CHD6: variants seen among roughly 807,000 people sequenced by gnomAD.
The protein encoded by CHD6 is ATP-dependent chromatin remodeler CHD6.
Under a neutral mutation model 276.9 loss-of-function variants are expected in CHD6, and 50 were observed. The observed-to-expected ratio is 0.18, with a 90% CI of 0.14 to 0.23. The LOEUF is 0.23. Ranked by LOEUF, CHD6 falls within the 10% of genes least tolerant of loss-of-function variation. The probability of loss-of-function intolerance (pLI) is 1.00; values close to 1 mark genes in which losing one functional copy is unlikely to be tolerated. For missense variants in CHD6, 2,564 were observed against 3,365.8 expected, an observed-to-expected ratio of 0.76 and a Z score of 5.89; for synonymous variants, 1,173 against 1,229.3, an observed-to-expected ratio of 0.95 and a Z score of 0.96.
rs114541828 is a variant in CHD6 at position 41,458,993 on chromosome 20, C to T, written c.2665-1565G>A. ...GAGCCTTGGACTTCTGCTCCTGCCC[C>T]GTGATCTTGATCCTGGAGTCCAGAA... is the stretch of plus-strand genomic sequence containing the variant. On this transcript the variant is annotated intron_variant, in intron 17 of 36. Coordinates refer to ENST00000373233, the MANE Select transcript of CHD6 (RefSeq NM_032221.5). Among the ~76,000 whole-genome samples, 1,059 of 152,210 alleles carry T rather than the reference C, an allele frequency of 7.0e-3. 14 individuals carry two copies. The highest frequency in any genetic ancestry group is 0.024 in the African/African-American group (998 of 41,526).
In CHD6 at chr20:41,413,338, G is replaced by C. The variant is rs374965061; in HGVS notation, c.7117C>G (p.Pro2373Ala). The change falls in exon 35 of 37, where the codon CCT (proline) becomes GCT (alanine). Residue 2373 changes from proline (P) to alanine (A), a missense_variant. Around this residue, in one of 7 missense-constraint regions of CHD6, gnomAD observed 1,024 missense variants for 1,047.9 expected, o/e 0.98. Coordinates refer to ENST00000373233, the MANE Select transcript of CHD6 (RefSeq NM_032221.5). ...CAAACACTTACTGCCCCAAAGCCAGGAACTTCTAAGGAGTAGTCAGCCTGC... is the reference window on the plus strand; with the variant it reads ...CAAACACTTACTGCCCCAAAGCCAGCAACTTCTAAGGAGTAGTCAGCCTGC... ...RQQADYSLEV[P>A]GFGANFSDKP... The C allele has an allele frequency of 3.1e-6, 5 of 1,602,950 alleles. No homozygotes were observed. In the African/African-American group the frequency reaches 6.7e-5, roughly 21 times the overall value.
chr20:41,406,947 G>A (rs2046695683), intron 36 of CHD6, among the ~76,000 whole-genome samples: 1 of 152,196 alleles, frequency 6.6e-6, no homozygotes, highest in South Asian at 2.1e-4. Context: ...TCTTCTTACG[G>A]TTCTTGCTAC....
intron 4 of CHD6, 66 bp from the exon 5 acceptor site, chr20:41,513,061 C>T (rs1423374587): frequency 1.3e-6 from 2 of 1,546,934 alleles, no homozygotes; most frequent in Non-Finnish European, 1.8e-6. Context: ...CACAAGAATA[C>T]CCTCATCTAC....
At chr20:41,573,743 A>G (rs1414647268) in intron 1 of CHD6, among the ~76,000 whole-genome samples, 1 of 152,238 alleles carries the variant, frequency 6.6e-6, no homozygotes, top group Non-Finnish European at 1.5e-5. Flanking sequence ...AGACTGTATA[A>G]TATCAATGAA....
At chr20:41,440,399 T>C (rs2047864227) in intron 25 of CHD6, among the ~76,000 whole-genome samples, 1 of 152,238 alleles carries the variant, frequency 6.6e-6, no homozygotes, top group Non-Finnish European at 1.5e-5. Context: ...ACAATTCTGT[T>C]TGCTGCTTCC....
rs1329250024 is a variant in CHD6 at position 41,420,524 on chromosome 20, T to C, written c.6111A>G (p.Gly2037=). 1.9e-6 allele frequency: 3 copies of C among 1,610,986 alleles called. No individual in the cohort carries two copies. The highest frequency in any genetic ancestry group is 3.3e-5 in the Admixed American group (2 of 59,832). The part of the protein sequence containing the change: ...FENKDDYDRD[G]NCHSQDYPGK... ...ATACTGTACCTTGACTATGGCAGTT[T>C]CCGTCTCTATCATAATCATCTTTAT... The change falls in exon 31 of 37, where the codon GGA becomes GGG. Residue 2037 remains glycine (G), a synonymous_variant. Transcript: ENST00000373233.
Position 41,600,431 on chromosome 20 carries a change from GA to G in CHD6, c.-24+17908del, listed in dbSNP as rs548095032. Among the ~76,000 whole-genome samples, 46 of 152,268 alleles carry G rather than the reference GA, an allele frequency of 3.0e-4. No homozygotes were observed. In the East Asian group the frequency reaches 8.1e-3, roughly 27 times the overall value. On this transcript the variant is annotated intron_variant, in intron 1 of 36. Coordinates refer to ENST00000373233, the MANE Select transcript of CHD6 (RefSeq NM_032221.5). The stretch of plus-strand genomic sequence containing the variant: ...AGAACTAAGCGGAGTAGGGTAGAGT[GA>G]GGGGGGGGTCTTATCCAGGAAGGGT...
intron 17 of CHD6, among the ~76,000 whole-genome samples, chr20:41,462,720 A>G (rs1001289868): frequency 2.6e-5 from 4 of 152,260 alleles, no homozygotes; most frequent in Admixed American, 2.0e-4. Flanking sequence ...AGGTACAGAA[A>G]TAGATACGGA....
chr20:41,539,415 A>C (rs555832864), intron 2 of CHD6, among the ~76,000 whole-genome samples: 1 of 152,354 alleles, frequency 6.6e-6, no homozygotes, highest in Non-Finnish European at 1.5e-5. Flanking sequence ...GACACAGGTT[A>C]GACAAGAGCC....
At chr20:41,588,816 C>G (rs572816037) in intron 1 of CHD6, among the ~76,000 whole-genome samples, 200 of 152,236 alleles carry the variant, frequency 1.3e-3, no homozygotes, top group Admixed American at 2.4e-3. Context: ...CCCTTTCTCC[C>G]CTTATAGGAT....
chr20:41,432,789 A>C (rs937872301), intron 27 of CHD6, among the ~76,000 whole-genome samples: 1 of 152,214 alleles, frequency 6.6e-6, no homozygotes, highest in Non-Finnish European at 1.5e-5. Context: ...GAATGATCTG[A>C]CATAAGAATT....
In CHD6 at chr20:41,402,175, T is replaced by A. The variant is rs1256454369; in HGVS notation, c.*2418A>T. ...GGGGTGAAGAATGGTCAAGGAAAGTTATGGCCGTGAGTGACATGGAATTAG... is the reference window on the plus strand; with the variant it reads ...GGGGTGAAGAATGGTCAAGGAAAGTAATGGCCGTGAGTGACATGGAATTAG... On this transcript the variant is annotated 3_prime_UTR_variant, in exon 37 of 37. Coordinates refer to ENST00000373233, the MANE Select transcript of CHD6 (RefSeq NM_032221.5). The A allele has an allele frequency of 1.9e-5, 4 of 211,162 alleles. No individual in the cohort carries two copies. The highest frequency in any genetic ancestry group is 2.9e-5 in the Non-Finnish European group (3 of 104,172). 13.1% of individuals were successfully genotyped at this position (211,162 alleles called of 1,614,324 possible).
chr20:41,404,621 A>C lies in CHD6; in HGVS notation c.8120T>G (p.Leu2707Arg). 1 of 1,499,792 alleles carries C rather than the reference A, an allele frequency of 6.7e-7. No individual in the cohort carries two copies. The highest frequency in any genetic ancestry group is 8.9e-7 in the Non-Finnish European group (1 of 1,123,890). The allele number at this position is 1,499,792 out of a possible 1,614,324, so 92.9% of individuals were successfully genotyped here. Residue 2707 changes from leucine to arginine, a missense_variant, in exon 37 of 37, where the codon CTC becomes CGC. Around this residue, in one of 7 missense-constraint regions of CHD6, gnomAD observed 238 missense variants for 266.0 expected, o/e 0.89. Coordinates refer to ENST00000373233, the MANE Select transcript of CHD6 (RefSeq NM_032221.5). Reference sequence around the variant, plus strand: ...ATTGGTGTCGTTGTTGGAGTCTTTGAGTGCCCCCTCCCCAGCCTGTGCCCC... The same window carrying C: ...ATTGGTGTCGTTGTTGGAGTCTTTGCGTGCCCCCTCCCCAGCCTGTGCCCC... ...EHGAQAGEGA[L>R]KDSNNDTN
intron 22 of CHD6, 99 bp from the exon 23 acceptor site, chr20:41,451,204 G>C: frequency 1.9e-6 from 2 of 1,080,824 alleles, no homozygotes; most frequent in Non-Finnish European, 2.7e-6. Flanking sequence ...AACAGAGTTG[G>C]GCTGTGCTCT....
chr20:41,530,357 T>C (rs2044653510), intron 3 of CHD6, among the ~76,000 whole-genome samples: 1 of 152,152 alleles, frequency 6.6e-6, no homozygotes, highest in African/African-American at 2.4e-5. Context: ...CAAGATGGAC[T>C]GAGGGAGGAA....
chr20:41,584,370 A>G (rs2045571233), intron 1 of CHD6, among the ~76,000 whole-genome samples: 1 of 152,188 alleles, frequency 6.6e-6, no homozygotes, highest in Non-Finnish European at 1.5e-5. Flanking sequence ...GGAGAAATAC[A>G]CATATCCATA....
rs1165124212 is a variant in CHD6 at position 41,450,984 on chromosome 20, A to G, written c.3645T>C (p.Asp1215=). The G allele has an allele frequency of 6.2e-7, 1 of 1,613,912 alleles. No individual in the cohort carries two copies. The highest frequency in any genetic ancestry group is 8.5e-7 in the Non-Finnish European group (1 of 1,179,862). ...ATCNPEVVLH[D]DGYKKHLKQH... is the part of the protein sequence containing the mutation. ...GTTTGAGGTGTTTCTTATAGCCATC[A>G]TCATGCAAGACCACCTCGGGGTTGC... The change falls in exon 23 of 37, where the codon GAT becomes GAC. Residue 1215 remains aspartate, a synonymous_variant. Transcript: ENST00000373233.
chr20:41,470,005 C>T (rs1026498555), intron 17 of CHD6, among the ~76,000 whole-genome samples: 6 of 152,324 alleles, frequency 3.9e-5, no homozygotes, highest in African/African-American at 1.4e-4. Context: ...TCCCAGCCTC[C>T]ACACTCTCTC....
intron 2 of CHD6, among the ~76,000 whole-genome samples, chr20:41,542,997 A>C (rs2044973963): frequency 6.6e-6 from 1 of 151,544 alleles, no homozygotes; most frequent in Admixed American, 6.6e-5. Flanking sequence ...CCAGCTACTC[A>C]AGAGGCTAAG....
Sources: allele counts gnomAD v4.1 joint callset (sites outside exome capture counted in the v4.1 genomes callset), GRCh38; gene constraint gnomAD v4.1.1; regional missense constraint gnomAD v4.1.1; transcripts MANE v1.5; gene names NCBI Gene and HGNC (gene_info 2026-07-23, HGNC 2026-07-21).